PCDH11X: variants seen among roughly 807,000 people sequenced by gnomAD.
The protein encoded by PCDH11X is protocadherin-11 X-linked.
PCDH11X carries 18 observed loss-of-function variants against 53.3 expected under a neutral mutation model. That is an observed-to-expected ratio of 0.34 (90% CI 0.23 to 0.50). PCDH11X has a LOEUF of 0.50. PCDH11X is among the 20% of genes least tolerant of loss of function. The pLI is 0.98. For synonymous variants in PCDH11X, 279 were observed against 393.3 expected (o/e 0.71, Z 3.44); for missense variants, 570 against 1,032.4 (o/e 0.55, Z 6.14).
rs796606879 is a variant in PCDH11X at position 92,132,635 on chromosome X, GTATATA to G, written c.3034-68724_3034-68719del. 3.2e-3 allele frequency among the ~76,000 whole-genome samples: 199 copies of G among 61,847 alleles called. 1 individual carries two copies. Among genetic ancestry groups the G allele is most frequent in the African/African-American group, 0.013 (186 of 14,467 alleles). 53.7% of individuals were successfully genotyped at this position (61,847 alleles called of 115,157 possible). A position where few individuals can be genotyped will look rare whatever the true frequency, so the allele number is the denominator to read the frequency against. On this transcript the variant is annotated intron_variant, in intron 6 of 10. Coordinates refer to ENST00000682573, the MANE Select transcript of PCDH11X (RefSeq NM_032968.5). ...AAGAAAAAAAGAAATATATATATATGTATATATATATATATATATATGTATATATAT... is the reference window on the plus strand; with the variant it reads ...AAGAAAAAAAGAAATATATATATATGTATATATATATATATGTATATATAT...
At chrX:92,355,154 G>T in intron 8 of PCDH11X, among the ~76,000 whole-genome samples, 1 of 105,081 alleles carries the variant, frequency 9.5e-6, no homozygotes, top group East Asian at 3.2e-4. Flanking sequence ...TAGGCCGGGC[G>T]CGGTGGTTCA....
At chrX:92,572,709 C>T (rs1293687921) in intron 10 of PCDH11X, among the ~76,000 whole-genome samples, 2 of 101,456 alleles carry the variant, frequency 2.0e-5, no homozygotes, top group African/African-American at 7.2e-5. Flanking sequence ...CATAGGGAAA[C>T]CCTGTATGTA....
chrX:91,892,291 T>C (rs1940524996), intron 6 of PCDH11X, among the ~76,000 whole-genome samples: 1 of 107,146 alleles, frequency 9.3e-6, no homozygotes, highest in Admixed American at 1.0e-4. Flanking sequence ...TACTAACAGG[T>C]TGCCTTACTT....
intron 8 of PCDH11X, among the ~76,000 whole-genome samples, chrX:92,348,639 C>A (rs976589855): frequency 1.8e-5 from 2 of 108,798 alleles, no homozygotes; most frequent in African/African-American, 6.7e-5. Flanking sequence ...TGCTTTCAAG[C>A]AATTCTCCTG....
At chrX:92,045,879 C>T (rs1441208481) in intron 6 of PCDH11X, among the ~76,000 whole-genome samples, 1 of 106,897 alleles carries the variant, frequency 9.4e-6, no homozygotes, top group Non-Finnish European at 1.9e-5. Context: ...GCCGAGGTTG[C>T]AGTGAGCCAA....
chrX:91,820,623 G>T (rs914987913), intron 4 of PCDH11X, among the ~76,000 whole-genome samples: 14 of 101,698 alleles, frequency 1.4e-4, no homozygotes, highest in African/African-American at 5.9e-4. Context: ...GTTGTAGGTT[G>T]CCTGTTCACT....
At chrX:92,333,272 G>T (rs1303551288) in intron 8 of PCDH11X, among the ~76,000 whole-genome samples, 1 of 110,174 alleles carries the variant, frequency 9.1e-6, no homozygotes, top group Non-Finnish European at 1.9e-5. Flanking sequence ...TAAAGTATTT[G>T]AATTACAGGA....
At chrX:91,883,083 A>G (rs942100873) in intron 6 of PCDH11X, 2 of 1,027,074 alleles carry the variant, frequency 1.9e-6, no homozygotes, top group Admixed American at 3.8e-5. Context: ...TCATCTTAAA[A>G]ATGATGTCCT....
chrX:91,927,577 G>T (rs908533098), intron 6 of PCDH11X, among the ~76,000 whole-genome samples: 12 of 111,686 alleles, frequency 1.1e-4, no homozygotes, highest in African/African-American at 3.9e-4. Context: ...TGTAAACAAT[G>T]TAAGTGATAG....
At chrX:92,072,248 A>T (rs1357515974) in intron 6 of PCDH11X, among the ~76,000 whole-genome samples, 4 of 110,664 alleles carry the variant, frequency 3.6e-5, no homozygotes, top group African/African-American at 1.3e-4. Context: ...CTAGGCGTGA[A>T]CTCAGGAACC....
chrX:91,859,727 TTGC>T (rs1308473891), intron 5 of PCDH11X, among the ~76,000 whole-genome samples: 7 of 91,569 alleles, frequency 7.6e-5, no homozygotes, highest in Non-Finnish European at 4.2e-5. Context: ...CCTTTCCCCA[TTGC>T]TTGTTTTTTT....
intron 6 of PCDH11X, among the ~76,000 whole-genome samples, chrX:92,116,674 C>G (rs942861395): frequency 3.6e-5 from 4 of 111,233 alleles, no homozygotes; most frequent in African/African-American, 1.3e-4. Flanking sequence ...GTAACTCCCC[C>G]TCCTAGGCTC....
At chrX:92,204,827 A>C (rs1230003260) in intron 7 of PCDH11X, among the ~76,000 whole-genome samples, 1 of 112,144 alleles carries the variant, frequency 8.9e-6, no homozygotes, top group Non-Finnish European at 1.9e-5. Context: ...ATGGCTGGGA[A>C]GGGGGCCTCA....
chrX:92,385,153 CT>C (rs2070984655), intron 8 of PCDH11X, among the ~76,000 whole-genome samples: 1 of 80,946 alleles, frequency 1.2e-5, no homozygotes, highest in African/African-American at 4.5e-5. Context: ...TGAAACTCTG[CT>C]TTTGAAGAAT....
intron 10 of PCDH11X, among the ~76,000 whole-genome samples, chrX:92,528,667 A>G (rs1177799533): frequency 1.8e-5 from 2 of 111,726 alleles, no homozygotes; most frequent in African/African-American, 6.5e-5. Context: ...TAATCCTGAC[A>G]GTGTTATTAT....
intron 1 of PCDH11X, among the ~76,000 whole-genome samples, chrX:91,785,223 C>T (rs1770580407): frequency 9.9e-6 from 1 of 100,815 alleles, no homozygotes; most frequent in African/African-American, 3.7e-5. Context: ...CCCCCCTCCT[C>T]CTTTTTTTCT....
intron 6 of PCDH11X, among the ~76,000 whole-genome samples, chrX:92,032,194 T>C (rs2063061800): frequency 9.0e-6 from 1 of 111,598 alleles, no homozygotes; most frequent in Non-Finnish European, 1.9e-5. Context: ...GTCTTGATTT[T>C]TCAGTTCTTC....
chrX:92,087,548 C>T (rs192350057), intron 6 of PCDH11X, among the ~76,000 whole-genome samples: 128 of 111,381 alleles, frequency 1.1e-3, no homozygotes, highest in African/African-American at 4.1e-3. Flanking sequence ...GAGATTTCTC[C>T]GAAACAGTGC....
intron 8 of PCDH11X, among the ~76,000 whole-genome samples, chrX:92,377,913 A>G (rs1315038248): frequency 9.2e-6 from 1 of 109,281 alleles, no homozygotes; most frequent in Non-Finnish European, 1.9e-5. Context: ...AAGACAATTC[A>G]TCAATTTTGC....
Sources: allele counts gnomAD v4.1 joint callset (sites outside exome capture counted in the v4.1 genomes callset), GRCh38; gene constraint gnomAD v4.1.1; transcripts MANE v1.5; gene names NCBI Gene and HGNC (gene_info 2026-07-23, HGNC 2026-07-21).